Variants in DMD observed in about 807,000 individuals in gnomAD.
The protein encoded by DMD is mutant dystrophin.
Under a neutral mutation model 330.1 loss-of-function variants are expected in DMD, and 63 were observed. The observed-to-expected ratio is 0.19, with a 90% CI of 0.16 to 0.24. DMD has a LOEUF of 0.24. Ranked by LOEUF, DMD falls within the 10% of genes least tolerant of loss-of-function variation. The pLI, the probability that DMD is intolerant of heterozygous loss-of-function variation, is 1.00. For missense variants in DMD, 3,344 were observed against 2,684.1 expected, an observed-to-expected ratio of 1.25 and a Z score of -5.43; for synonymous variants, 1,223 against 959.8, an observed-to-expected ratio of 1.27 and a Z score of -5.07.
At chrX:32,856,165 C>T (rs907014533) in intron 2 of DMD, among the ~76,000 whole-genome samples, 1 of 111,933 alleles carries the variant, frequency 8.9e-6, no homozygotes, top group Admixed American at 9.5e-5. Context: ...AACATCAATG[C>T]TGATGCGGCT....
At chrX:32,954,789 A>G (rs2091472370) in intron 2 of DMD, among the ~76,000 whole-genome samples, 1 of 111,251 alleles carries the variant, frequency 9.0e-6, no homozygotes, top group Non-Finnish European at 1.9e-5. Flanking sequence ...GAGAAGACAC[A>G]GTATTTGATT....
At chrX:32,561,342 C>A (rs761337048) in intron 16 of DMD, among the ~76,000 whole-genome samples, 1 of 111,123 alleles carries the variant, frequency 9.0e-6, no homozygotes, top group Non-Finnish European at 1.9e-5. Context: ...AAACGCAATA[C>A]GACAACTCCA....
intron 55 of DMD, among the ~76,000 whole-genome samples, chrX:31,611,600 T>G (rs62587322): frequency 1.8e-5 from 2 of 110,697 alleles, no homozygotes; most frequent in Non-Finnish European, 3.8e-5. Flanking sequence ...CTTTTTGATT[T>G]GGGATCTTGA....
intron 43 of DMD, among the ~76,000 whole-genome samples, chrX:32,236,822 TGA>T (rs1408782093): frequency 2.7e-5 from 3 of 112,258 alleles, no homozygotes; most frequent in Admixed American, 9.5e-5. Context: ...CAATAATAAA[TGA>T]GAGTTAGCAT....
intron 2 of DMD, among the ~76,000 whole-genome samples, chrX:33,014,710 T>C (rs946131319): frequency 9.0e-6 from 1 of 111,214 alleles, no homozygotes; most frequent in Non-Finnish European, 1.9e-5. Flanking sequence ...TGGAAAAGAA[T>C]AGAAGTAAAT....
rs149702315 is a variant in DMD, at chrX:32,393,606, G to T, written c.4234-3425C>A. 4.9e-3 allele frequency among the ~76,000 whole-genome samples: 543 copies of T among 111,421 alleles called. 1 individual carries two copies. The highest frequency in any genetic ancestry group is 0.016 in the African/African-American group (496 of 30,673). ...ATCACTATGTGTGTCTGTACAGAGAGAAAGAGGGAAACAGGGTACATTTGT... is the reference window on the plus strand; with the variant it reads ...ATCACTATGTGTGTCTGTACAGAGATAAAGAGGGAAACAGGGTACATTTGT... On this transcript the variant is annotated intron_variant, in intron 30 of 78. Transcript: ENST00000357033.
chrX:31,803,659 T>A, intron 50 of DMD, among the ~76,000 whole-genome samples: 1 of 77,742 alleles, frequency 1.3e-5, no homozygotes, highest in East Asian at 4.8e-4. Context: ...TTTGTCTTCC[T>A]CTCTCTCTTT....
intron 62 of DMD, among the ~76,000 whole-genome samples, chrX:31,314,115 A>T (rs992936627): frequency 8.9e-6 from 1 of 112,217 alleles, no homozygotes. Flanking sequence ...GATTACAGGC[A>T]TGAGCCACCA....
At chrX:32,224,497 A>C (rs1417485048) in intron 43 of DMD, among the ~76,000 whole-genome samples, 2 of 111,718 alleles carry the variant, frequency 1.8e-5, no homozygotes, top group Non-Finnish European at 3.8e-5. Flanking sequence ...GAAAAATAAA[A>C]GTGTGTGCAG....
At position 32,354,867 on chromosome X, in the gene DMD, C is replaced by T. The variant is rs186794089; in HGVS notation, c.5326-6339G>A. ...ATATTCGTGGGTCAAGAATCTGCTT[C>T]CTACTGTCGACCTTTTATAAAGTTT... On this transcript the variant is annotated intron_variant, in intron 37 of 78. Transcript: ENST00000357033. Among the ~76,000 whole-genome samples the T allele has an allele frequency of 4.5e-3, 502 of 111,296 alleles. 1 individual carries two copies. Among genetic ancestry groups the T allele is most frequent in the Non-Finnish European group, 4.9e-3 (258 of 52,768 alleles).
chrX:31,932,008 T>C, intron 46 of DMD, 72 bp downstream of exon 46: 1 of 1,123,296 alleles, frequency 8.9e-7, no homozygotes, highest in African/African-American at 1.8e-5. Flanking sequence ...AAACCAATGA[T>C]TGAATTAAAA....
intron 1 of DMD, among the ~76,000 whole-genome samples, chrX:33,123,071 G>A (rs2095434908): frequency 8.9e-6 from 1 of 112,076 alleles, no homozygotes; most frequent in Admixed American, 9.5e-5. Context: ...TTTAGACATT[G>A]AAATATTTAC....
chrX:32,496,559 A>C (rs183910760), intron 19 of DMD, among the ~76,000 whole-genome samples: 94 of 112,435 alleles, frequency 8.4e-4, no homozygotes, highest in South Asian at 1.5e-3. Context: ...CATAAAATTA[A>C]AAAAAGTCAG....
chrX:32,491,182 C>T, intron 20 of DMD, 95 bp downstream of exon 20: 1 of 1,055,892 alleles, frequency 9.5e-7, no homozygotes, highest in Non-Finnish European at 1.3e-6. Flanking sequence ...AGAAGGTGAA[C>T]GTTTCATTAC....
At chrX:32,039,279 G>C (rs935531902) in intron 44 of DMD, among the ~76,000 whole-genome samples, 4 of 111,357 alleles carry the variant, frequency 3.6e-5, no homozygotes, top group African/African-American at 1.3e-4. Flanking sequence ...CTCATGAGAA[G>C]GATGAGAAAG....
intron 59 of DMD, among the ~76,000 whole-genome samples, chrX:31,467,289 A>C (rs2066924437): frequency 9.0e-6 from 1 of 111,268 alleles, no homozygotes; most frequent in African/African-American, 3.3e-5. Context: ...CAGTATGATA[A>C]TGGCTGTGGG....
Position 31,172,384 on chromosome X carries a change from G to C in DMD, c.10358C>G (p.Ser3453Cys), listed in dbSNP as rs2040082157. ...AGGAGAGATGCTATCATTTAGATAA[G>C]ATCCATTGCTGTTTTCCATTTCTGC... ...RLAEMENSNG[S>C]YLNDSISPNE... is the part of the protein sequence containing the mutation. Residue 3453 changes from serine (S) to cysteine (C), a missense_variant, in exon 73 of 79, where the codon TCT becomes TGT. By Grantham distance (112) the Ser-to-Cys change is moderately radical. Coordinates refer to ENST00000357033, the MANE Select transcript of DMD (RefSeq NM_004006.3). 8.3e-7 allele frequency: 1 copy of C among 1,200,638 alleles called. No homozygotes were observed. Among genetic ancestry groups the C allele is most frequent in the Non-Finnish European group, 1.1e-6 (1 of 885,867 alleles).
chrX:32,367,832 A>G (rs928433020), intron 34 of DMD, among the ~76,000 whole-genome samples: 4 of 112,220 alleles, frequency 3.6e-5, no homozygotes, highest in Non-Finnish European at 5.6e-5. Context: ...ATCAACTTGT[A>G]TTTGAAAAAA....
At position 32,390,118 on chromosome X, in the gene DMD, C is replaced by T. The variant is rs371601285; in HGVS notation, c.4297G>A (p.Gly1433Arg). ...AGGACTCTTTGGGCAGCCTCCTTCC[C>T]CTGATTATGTTTCTTCATTTCTTCT... Reference protein sequence around the residue: ...SLEEMKKHNQGKEAAQRVLSQ... With the variant: ...SLEEMKKHNQRKEAAQRVLSQ... Residue 1433 changes from glycine to arginine, a missense_variant, in exon 31 of 79, where the codon GGG becomes AGG. Coordinates refer to ENST00000357033, the MANE Select transcript of DMD (RefSeq NM_004006.3). The T allele has an allele frequency of 3.3e-6, 4 of 1,208,932 alleles. No individual in the cohort carries two copies. Among genetic ancestry groups the T allele is most frequent in the African/African-American group, 1.7e-5 (1 of 57,147 alleles).
Sources: gnomAD v4.1 joint callset for allele counts (sites outside exome capture counted in the v4.1 genomes callset) on GRCh38, gnomAD v4.1.1 for gene constraint, MANE v1.5 for transcripts, NCBI Gene and HGNC (gene_info 2026-07-23, HGNC 2026-07-21) for gene names.